QTMAN: variants seen among roughly 807,000 people sequenced by gnomAD.
The protein encoded by QTMAN is tRNA-queuosine alpha-mannosyltransferase.
chr2:144,121,454 C>T, the QTMAN span, among the ~76,000 whole-genome samples: 8 of 152,150 alleles, frequency 5.3e-5, no homozygotes, highest in Non-Finnish European at 7.3e-5. Flanking sequence ...TAGCTCAGAA[C>T]GCTGAACACA....
chr2:144,013,915 A>G, the QTMAN span, among the ~76,000 whole-genome samples: 28 of 152,312 alleles, frequency 1.8e-4, no homozygotes, highest in Admixed American at 1.6e-3. Context: ...TGTCCAATAT[A>G]TCACTTATAT....
At chr2:144,090,652 A>G in the QTMAN span, among the ~76,000 whole-genome samples, 1 of 152,092 alleles carries the variant, frequency 6.6e-6, no homozygotes, top group East Asian at 1.9e-4. Context: ...TACATCAAAC[A>G]AAAGATGTAT....
chr2:143,957,635 G>A, the QTMAN span, among the ~76,000 whole-genome samples: 5 of 152,008 alleles, frequency 3.3e-5, no homozygotes, highest in South Asian at 2.1e-4. Context: ...TGTAAAGTTC[G>A]TTAGATGAAA....
At chr2:144,021,091 AT>A in the QTMAN span, among the ~76,000 whole-genome samples, 3 of 152,070 alleles carry the variant, frequency 2.0e-5, no homozygotes, top group Non-Finnish European at 2.9e-5. Context: ...AAAGAAAAAA[AT>A]ATAAGAAATT....
the QTMAN span, among the ~76,000 whole-genome samples, chr2:144,196,831 G>C: frequency 6.6e-6 from 1 of 152,144 alleles, no homozygotes; most frequent in African/African-American, 2.4e-5. Context: ...CTGAGATCTA[G>C]CATAATACAT....
chr2:144,031,977 G>A, the QTMAN span, among the ~76,000 whole-genome samples: 3 of 152,104 alleles, frequency 2.0e-5, no homozygotes, highest in Non-Finnish European at 2.9e-5. Flanking sequence ...TGGCGACGGG[G>A]TTTCATCACA....
chr2:144,120,346 A>G, the QTMAN span, among the ~76,000 whole-genome samples: 1 of 152,062 alleles, frequency 6.6e-6, no homozygotes, highest in Admixed American at 6.5e-5. Flanking sequence ...CTGCCCCAAT[A>G]TCTGTATTAC....
At chr2:144,281,654 G>A in the QTMAN span, among the ~76,000 whole-genome samples, 1 of 152,000 alleles carries the variant, frequency 6.6e-6, no homozygotes, top group African/African-American at 2.4e-5. Flanking sequence ...AGAGTGGGTG[G>A]GTCCTAATCT....
chr2:144,114,119 T>C, the QTMAN span, among the ~76,000 whole-genome samples: 1 of 152,310 alleles, frequency 6.6e-6, no homozygotes, highest in Admixed American at 6.5e-5. Flanking sequence ...TAAATGAGTT[T>C]GCATCATCTG....
chr2:144,022,074 T>C, the QTMAN span, among the ~76,000 whole-genome samples: 2 of 152,178 alleles, frequency 1.3e-5, no homozygotes, highest in African/African-American at 4.8e-5. Flanking sequence ...CTTTTTATTA[T>C]AAACCTTTTG....
At chr2:144,086,308 A>C in the QTMAN span, among the ~76,000 whole-genome samples, 1 of 152,058 alleles carries the variant, frequency 6.6e-6, no homozygotes, top group African/African-American at 2.4e-5. Flanking sequence ...ATGTACCAAT[A>C]ATTTTTTAAT....
the QTMAN span, among the ~76,000 whole-genome samples, chr2:144,056,035 GATTAT>G: frequency 1.1e-3 from 172 of 152,250 alleles, 1 homozygote; most frequent in African/African-American, 3.9e-3. Context: ...TTATTTTGAA[GATTAT>G]ATTAGCTAAT....
chr2:144,094,488 G>A, the QTMAN span, among the ~76,000 whole-genome samples: 6 of 152,150 alleles, frequency 3.9e-5, no homozygotes, highest in South Asian at 4.2e-4. Flanking sequence ...CCACTTAACC[G>A]GGGAGGCCTC....
the QTMAN span, among the ~76,000 whole-genome samples, chr2:144,096,543 A>G: frequency 1.3e-5 from 2 of 152,238 alleles, no homozygotes; most frequent in Non-Finnish European, 2.9e-5. Context: ...GAGTGAGTGA[A>G]GAATTATAGT....
the QTMAN span, among the ~76,000 whole-genome samples, chr2:144,290,393 C>G: frequency 1.3e-5 from 2 of 152,200 alleles, no homozygotes; most frequent in African/African-American, 4.8e-5. Context: ...CCTATCGAAA[C>G]TTCTATCAGC....
the QTMAN span, among the ~76,000 whole-genome samples, chr2:144,272,079 T>C: frequency 6.6e-6 from 1 of 152,204 alleles, no homozygotes; most frequent in African/African-American, 2.4e-5. Flanking sequence ...GATATTGTTC[T>C]CTGTGTAGCA....
At chr2:144,310,941 G>C in the QTMAN span, among the ~76,000 whole-genome samples, 1 of 152,198 alleles carries the variant, frequency 6.6e-6, no homozygotes, top group African/African-American at 2.4e-5. Flanking sequence ...GGATATGATG[G>C]TATGTGTGTA....
At chr2:144,194,032 G>T in the QTMAN span, among the ~76,000 whole-genome samples, 5 of 152,002 alleles carry the variant, frequency 3.3e-5, no homozygotes, top group Non-Finnish European at 7.4e-5. Flanking sequence ...TAAGCACTAC[G>T]TTTTTTAAAA....
At chr2:144,287,833 A>G in the QTMAN span, among the ~76,000 whole-genome samples, 10 of 152,138 alleles carry the variant, frequency 6.6e-5, no homozygotes, top group Admixed American at 6.6e-4. Flanking sequence ...TGACAACACA[A>G]TTTATTTATG....
Sources: allele counts gnomAD v4.1 joint callset (sites outside exome capture counted in the v4.1 genomes callset), GRCh38; gene constraint gnomAD v4.1.1; transcripts MANE v1.5; gene names NCBI Gene and HGNC (gene_info 2026-07-23, HGNC 2026-07-21).